The following CPM variants were observed in gnomAD, a reference collection of about 807,000 sequenced individuals.
The protein encoded by CPM is carboxypeptidase M.
Under a neutral mutation model 46.4 loss-of-function variants are expected in CPM, and 35 were observed. The ratio of observed to expected loss-of-function variants is 0.75; its 90% CI spans 0.58 to 1.00. CPM has a LOEUF of 1.00. Among genes scored for constraint, CPM ranks in the 50% least tolerant of loss-of-function variants. The pLI, the probability that CPM is intolerant of heterozygous loss-of-function variation, is 0.00. For missense variants in CPM, 422 were observed against 530.4 expected, an observed-to-expected ratio of 0.80 and a Z score of 2.01; for synonymous variants, 195 against 195.3, an observed-to-expected ratio of 1.00 and a Z score of 0.01.
chr12:68,963,044 G>T (rs1051425130), intron 1 of CPM: 1 of 152,664 alleles, frequency 6.6e-6, no homozygotes, highest in East Asian at 1.9e-4. Context: ...GCCTCTTGAG[G>T]CTGTGTCATG....
intron 2 of CPM, among the ~76,000 whole-genome samples, chr12:68,893,149 CAA>C (rs3046971): frequency 1.4e-5 from 2 of 139,346 alleles, no homozygotes; most frequent in Non-Finnish European, 1.5e-5. Flanking sequence ...CAAAAACTGA[CAA>C]AAAAAAAAAA....
intron 1 of CPM, among the ~76,000 whole-genome samples, chr12:68,938,919 A>T (rs1342200500): frequency 6.7e-6 from 1 of 148,470 alleles, no homozygotes; most frequent in African/African-American, 2.5e-5. Flanking sequence ...GTATATGTGT[A>T]TATGCATATA....
upstream of CPM, among the ~76,000 whole-genome samples, chr12:68,936,441 T>G (rs1888673603): frequency 6.6e-6 from 1 of 152,132 alleles, no homozygotes; most frequent in Non-Finnish European, 1.5e-5. Context: ...TGGAGTGCAG[T>G]GGCACAATTT....
Position 68,931,511 on chromosome 12 carries a change from G to A in CPM, c.160+1167C>T, listed in dbSNP as rs1315494379. On this transcript the variant is annotated intron_variant, in intron 2 of 8. Transcript: ENST00000551568. The stretch of plus-strand genomic sequence containing the variant: ...TGTAATCCTAGCACTTTGGGAGGCC[G>A]AAGCAGGAGGATCACAAGGTCAGGA... 3.9e-5 allele frequency among the ~76,000 whole-genome samples: 6 copies of A among 151,996 alleles called. No individual in the cohort carries two copies. In the South Asian group the frequency reaches 1.0e-3, roughly 26 times the overall value.
At chr12:68,948,555 A>G (rs564617034) in intron 1 of CPM, among the ~76,000 whole-genome samples, 2 of 151,834 alleles carry the variant, frequency 1.3e-5, no homozygotes, top group Non-Finnish European at 2.9e-5. Context: ...AGGTCCCTCT[A>G]CTCCATTTAT....
upstream of CPM, among the ~76,000 whole-genome samples, chr12:68,934,446 C>T (rs1478849657): frequency 1.3e-5 from 2 of 152,130 alleles, no homozygotes; most frequent in Non-Finnish European, 2.9e-5. Flanking sequence ...ACTCAGGACT[C>T]CCTGAGACTT....
chr12:68,914,600 TC>T (rs1193555588), intron 2 of CPM, among the ~76,000 whole-genome samples: 1 of 152,252 alleles, frequency 6.6e-6, no homozygotes, highest in Non-Finnish European at 1.5e-5. Context: ...AGATGTCTGT[TC>T]CTTCATACTC....
In CPM at chr12:68,906,946, C is replaced by A. The variant is rs201384065; in HGVS notation, c.161-21057G>T. ...AGGGAATGGGAACCAAATTAAGAAC[C>A]CTGGCTTCCAGAATTAAGCCTAAAC... On this transcript the variant is annotated intron_variant, in intron 2 of 8. Transcript: ENST00000551568. 2.0e-5 allele frequency among the ~76,000 whole-genome samples: 3 copies of A among 152,190 alleles called. No individual in the cohort carries two copies. The East Asian group carries it at 5.8e-4, about 29-fold the overall frequency.
downstream of CPM, chr12:68,850,380 T>A (rs1351866365): frequency 1.3e-5 from 2 of 152,132 alleles, no homozygotes; most frequent in Non-Finnish European, 2.9e-5. Flanking sequence ...AATGAAATTC[T>A]CTTGAAAACA....
At chr12:68,961,211 G>A (rs1192670629) in intron 1 of CPM, among the ~76,000 whole-genome samples, 1 of 152,106 alleles carries the variant, frequency 6.6e-6, no homozygotes, top group Non-Finnish European at 1.5e-5. Flanking sequence ...GTGCAGTGGT[G>A]TGATCTCAGC....
chr12:68,900,220 A>G (rs1400421731), intron 2 of CPM, among the ~76,000 whole-genome samples: 2 of 152,234 alleles, frequency 1.3e-5, no homozygotes, highest in Non-Finnish European at 2.9e-5. Context: ...AAAAGATGGA[A>G]ACAGCAGGCA....
chr12:68,959,255 A>T (rs1889074127), intron 1 of CPM, among the ~76,000 whole-genome samples: 1 of 152,234 alleles, frequency 6.6e-6, no homozygotes, highest in Non-Finnish European at 1.5e-5. Flanking sequence ...TGATTAAATG[A>T]ATGAATGAAT....
intron 7 of CPM, among the ~76,000 whole-genome samples, chr12:68,859,440 G>T (rs1159754466): frequency 2.0e-5 from 3 of 152,116 alleles, no homozygotes; most frequent in Non-Finnish European, 4.4e-5. Flanking sequence ...TAAAAACGGT[G>T]TCAATGTATT....
chr12:68,866,736 C>T, intron 7 of CPM, 160 bp downstream of exon 7: 2 of 635,232 alleles, frequency 3.1e-6, no homozygotes, highest in Non-Finnish European at 5.5e-6. Flanking sequence ...TCACACACTG[C>T]AGATACTCAT....
At chr12:68,923,158 AGAGTGTGTGTGTGTGT>A (rs1420146337) in intron 2 of CPM, among the ~76,000 whole-genome samples, 1,798 of 131,888 alleles carry the variant, frequency 0.014, 54 homozygotes, top group African/African-American at 0.05. Context: ...TATTTGATAT[AGAGTGTGTGTGTGTGT>A]GTGTGTGTGT....
chr12:68,955,201 G>C (rs1421231223), intron 1 of CPM, among the ~76,000 whole-genome samples: 8 of 152,204 alleles, frequency 5.3e-5, no homozygotes, highest in Non-Finnish European at 7.3e-5. Context: ...AGCCACAGAG[G>C]CTTCCAGCTG....
chr12:68,945,438 C>A (rs1423750040), intron 1 of CPM, among the ~76,000 whole-genome samples: 2 of 152,182 alleles, frequency 1.3e-5, no homozygotes, highest in Non-Finnish European at 2.9e-5. Flanking sequence ...TTCAGCACAC[C>A]TCAATCCTGA....
chr12:68,866,436 C>T (rs1262140469), intron 7 of CPM, among the ~76,000 whole-genome samples: 5 of 152,122 alleles, frequency 3.3e-5, no homozygotes, highest in Non-Finnish European at 7.4e-5. Flanking sequence ...TTCTGCCTCC[C>T]GGGTTCAAGT....
chr12:68,885,600 T>G (rs904816167), intron 3 of CPM, among the ~76,000 whole-genome samples, 192 bp downstream of exon 3: 2 of 152,192 alleles, frequency 1.3e-5, no homozygotes, highest in Non-Finnish European at 2.9e-5. Context: ...ACCATACAGC[T>G]GTGGTGGTTG....
Sources: allele counts gnomAD v4.1 joint callset (sites outside exome capture counted in the v4.1 genomes callset), GRCh38; gene constraint gnomAD v4.1.1; transcripts MANE v1.5; gene names NCBI Gene and HGNC (gene_info 2026-07-23, HGNC 2026-07-21).